PTPN13: variants seen among roughly 807,000 people sequenced by gnomAD.
PTPN13 encodes protein tyrosine phosphatase non-receptor type 13, also known as tyrosine-protein phosphatase non-receptor type 13.
In PTPN13, 191 loss-of-function variants were observed where a neutral mutation model predicts 284.0. The observed-to-expected ratio is 0.67, with a 90% CI of 0.60 to 0.76. The LOEUF is 0.76. Among genes scored for constraint, PTPN13 ranks in the 30% least tolerant of loss-of-function variants. The probability of loss-of-function intolerance (pLI) is 0.00; values close to 1 mark genes in which losing one functional copy is unlikely to be tolerated. For synonymous variants in PTPN13, 986 were observed against 1,022.3 expected, an observed-to-expected ratio of 0.96 and a Z score of 0.68; for missense variants, 2,797 against 2,939.9, an observed-to-expected ratio of 0.95 and a Z score of 1.12.
rs758845184 is a variant in PTPN13, at chr4:86,758,664, G to C, written c.3314-14G>C. The stretch of plus-strand genomic sequence containing the variant: ...AGCAATATGAAAATCTTTTTAAAAT[G>C]TGTTATTTTACAGGATTTCAAATTA... On this transcript the variant is annotated splice_polypyrimidine_tract_variant and intron_variant, in intron 21 of 47. Coordinates refer to ENST00000411767, the MANE Select transcript of PTPN13 (RefSeq NM_080683.3). 6.7e-5 allele frequency: 106 copies of C among 1,590,772 alleles called. No individual in the cohort carries two copies. The Admixed American group carries it at 1.8e-3, about 26-fold the overall frequency.
chr4:86,766,331 T>C lies in PTPN13; in HGVS notation c.4244-101T>C. 4.9e-6 allele frequency: 4 copies of C among 813,138 alleles called. No individual in the cohort carries two copies. The South Asian group carries it at 6.8e-5, about 14-fold the overall frequency. 50.4% of individuals were successfully genotyped at this position (813,138 alleles called of 1,614,324 possible). On this transcript the variant is annotated intron_variant, in intron 26 of 47. Transcript: ENST00000411767. ...CTGTAACACAATTTCTTCCAGAATT[T>C]GCCTGAGTCCCTCCTCAAACAAATG...
intron 2 of PTPN13, among the ~76,000 whole-genome samples, chr4:86,648,852 A>T (rs1724750031): frequency 6.6e-6 from 1 of 152,158 alleles, no homozygotes; most frequent in South Asian, 2.1e-4. Context: ...CACCAACAGT[A>T]TACAAGGGTT....
chr4:86,620,608 A>G (rs1721107475), intron 1 of PTPN13, among the ~76,000 whole-genome samples: 1 of 152,350 alleles, frequency 6.6e-6, no homozygotes, highest in East Asian at 1.9e-4. Flanking sequence ...CTAGAACATC[A>G]TGTCTAAATA....
chr4:86,762,712 G>T lies in PTPN13; in HGVS notation c.3554-15G>T. The T allele has an allele frequency of 1.3e-6, 2 of 1,559,270 alleles. No individual in the cohort carries two copies. The highest frequency in any genetic ancestry group is 8.8e-7 in the Non-Finnish European group (1 of 1,136,224). ...CACTAACTTGTTACTCTCATTGATG[G>T]ATTTTGACTTTTAGTGCCTTCTACT... is the stretch of plus-strand genomic sequence containing the variant. On this transcript the variant is annotated splice_polypyrimidine_tract_variant and intron_variant, in intron 23 of 47. Transcript: ENST00000411767.
intron 1 of PTPN13, among the ~76,000 whole-genome samples, chr4:86,628,490 A>T (rs1382221130): frequency 7.8e-5 from 9 of 115,558 alleles, no homozygotes; most frequent in African/African-American, 2.6e-4. Context: ...TTTGTGGTTC[A>T]TTTTTTTTTT....
At chr4:86,746,926 T>A (rs1736833064) in intron 17 of PTPN13, among the ~76,000 whole-genome samples, 1 of 152,192 alleles carries the variant, frequency 6.6e-6, no homozygotes, top group South Asian at 2.1e-4. Context: ...TAAAATACAA[T>A]AACCACTGCT....
intron 2 of PTPN13, among the ~76,000 whole-genome samples, chr4:86,654,093 A>G (rs1203675829): frequency 6.6e-6 from 1 of 152,208 alleles, no homozygotes; most frequent in Non-Finnish European, 1.5e-5. Context: ...TTGACACCCT[A>G]ACATCACAAT....
chr4:86,680,347 C>CTATCTATCTA (rs1554306602), intron 3 of PTPN13, among the ~76,000 whole-genome samples: 1 of 142,550 alleles, frequency 7.0e-6, no homozygotes, highest in Non-Finnish European at 1.5e-5. Context: ...TTCTATCTAT[C>CTATCTATCTA]TCTATCTATC....
intron 2 of PTPN13, among the ~76,000 whole-genome samples, chr4:86,650,986 C>G (rs1725015492): frequency 1.3e-5 from 2 of 152,082 alleles, no homozygotes; most frequent in Non-Finnish European, 2.9e-5. Context: ...ACATCCTTAC[C>G]TTGTTACAGA....
At position 86,607,149 on chromosome 4, in the gene PTPN13, C is replaced by CT. The variant is rs1325256034; in HGVS notation, c.-6+12368dup. ...TTATGATTCCTTTAAAACTGTTAAT[C>CT]TTTTTTTTAAAAAAAGTCTTTAAAT... On this transcript the variant is annotated intron_variant, in intron 1 of 47. Coordinates refer to ENST00000411767, the MANE Select transcript of PTPN13 (RefSeq NM_080683.3). Among the ~76,000 whole-genome samples, 12 of 151,408 alleles carry CT rather than the reference C, an allele frequency of 7.9e-5. No homozygotes were observed. The East Asian group carries it at 1.5e-3, about 20-fold the overall frequency.
chr4:86,761,182 TAC>T (rs1242760401), intron 23 of PTPN13, among the ~76,000 whole-genome samples: 1 of 121,548 alleles, frequency 8.2e-6, no homozygotes, highest in East Asian at 2.7e-4. Context: ...ACACAACACA[TAC>T]ACACACTATT....
rs1735402199 is a variant in PTPN13, at chr4:86,735,598, A to G, written c.2156A>G (p.His719Arg). The change falls in exon 15 of 48, where the codon CAT (histidine) becomes CGT (arginine). Residue 719 changes from histidine to arginine, a missense_variant. Coordinates refer to ENST00000411767, the MANE Select transcript of PTPN13 (RefSeq NM_080683.3). ...AEYGDYQPEV[H>R]GVSYFRMEHY... ...TGAAAACATTCTTTTATCTAGGTTC[A>G]TGGTGTGTCTTACTTTAGAATGGAG... The G allele has an allele frequency of 6.2e-7, 1 of 1,611,044 alleles. No individual in the cohort carries two copies. Among genetic ancestry groups the G allele is most frequent in the African/African-American group, 1.3e-5 (1 of 74,846 alleles).
At chr4:86,653,246 C>A (rs1398936557) in intron 2 of PTPN13, among the ~76,000 whole-genome samples, 1 of 152,052 alleles carries the variant, frequency 6.6e-6, no homozygotes, top group Non-Finnish European at 1.5e-5. Context: ...TCACTAGTGC[C>A]TTATTTAGTC....
chr4:86,609,016 A>G (rs1392559435), intron 1 of PTPN13, among the ~76,000 whole-genome samples: 2 of 152,188 alleles, frequency 1.3e-5, no homozygotes, highest in African/African-American at 2.4e-5. Flanking sequence ...GAGAACTACA[A>G]AAGTTTCTAA....
chr4:86,690,862 T>C (rs964696107), intron 5 of PTPN13, among the ~76,000 whole-genome samples: 1 of 152,186 alleles, frequency 6.6e-6, no homozygotes, highest in Non-Finnish European at 1.5e-5. Flanking sequence ...GGATCTTTAT[T>C]GTTCATTTAT....
chr4:86,662,036 A>G (rs2148853108), intron 2 of PTPN13, among the ~76,000 whole-genome samples: 1 of 152,334 alleles, frequency 6.6e-6, no homozygotes, highest in East Asian at 1.9e-4. Context: ...AAAGTCCTTT[A>G]CTGTAAAACT....
intron 42 of PTPN13, 109 bp from the exon 43 acceptor site, chr4:86,803,600 A>C (rs1249884598): frequency 8.5e-7 from 1 of 1,175,798 alleles, no homozygotes; most frequent in Non-Finnish European, 1.2e-6. Flanking sequence ...CTCTAAATAA[A>C]TAAATAGACT....
chr4:86,656,006 T>C (rs1725756029), intron 2 of PTPN13, among the ~76,000 whole-genome samples: 1 of 152,224 alleles, frequency 6.6e-6, no homozygotes, highest in Admixed American at 6.5e-5. Context: ...CTTCAGTCAC[T>C]GATACCCTTT....
intron 35 of PTPN13, 108 bp from the exon 36 acceptor site, chr4:86,780,294 G>T: frequency 1.2e-6 from 1 of 860,862 alleles, no homozygotes; most frequent in Non-Finnish European, 1.9e-6. Flanking sequence ...CAGCTCCTTG[G>T]GAGGCTGAGG....
Sources: allele counts gnomAD v4.1 joint callset (sites outside exome capture counted in the v4.1 genomes callset), GRCh38; gene constraint gnomAD v4.1.1; transcripts MANE v1.5; gene names NCBI Gene and HGNC (gene_info 2026-07-23, HGNC 2026-07-21).